PKP4: variants seen among roughly 807,000 people sequenced by gnomAD.
The protein encoded by PKP4 is plakophilin 4, also known as plakophilin-4.
Under a neutral mutation model 145.1 loss-of-function variants are expected in PKP4, and 90 were observed. The ratio of observed to expected loss-of-function variants is 0.62; its 90% CI spans 0.52 to 0.74. PKP4 has a LOEUF of 0.74. Among genes scored for constraint, PKP4 ranks in the 30% least tolerant of loss-of-function variants. PKP4 has a pLI of 0.00. For missense variants in PKP4, 1,340 were observed against 1,482.7 expected, an observed-to-expected ratio of 0.90 and a Z score of 1.58; for synonymous variants, 563 against 577.2, an observed-to-expected ratio of 0.98 and a Z score of 0.35.
intron 2 of PKP4, among the ~76,000 whole-genome samples, chr2:158,544,733 C>A (rs1296270296): frequency 6.6e-6 from 1 of 152,144 alleles, no homozygotes; most frequent in Non-Finnish European, 1.5e-5. Flanking sequence ...TGTTTCTCTG[C>A]CACTACTCCA....
At chr2:158,471,117 G>A (rs750038220) in intron 1 of PKP4, among the ~76,000 whole-genome samples, 2 of 152,202 alleles carry the variant, frequency 1.3e-5, no homozygotes, top group African/African-American at 2.4e-5. Context: ...CAGAGCCTTG[G>A]AGGTGAAGGA....
chr2:158,515,583 A>G (rs1046340810), intron 1 of PKP4, among the ~76,000 whole-genome samples: 1 of 152,196 alleles, frequency 6.6e-6, no homozygotes, highest in African/African-American at 2.4e-5. Context: ...AAAAGTATTA[A>G]TGTTTTTCCT....
At chr2:158,500,173 T>C (rs1172637984) in intron 1 of PKP4, among the ~76,000 whole-genome samples, 1 of 152,198 alleles carries the variant, frequency 6.6e-6, no homozygotes, top group East Asian at 1.9e-4. Context: ...AGTCCCATCA[T>C]TTCTCTTTCT....
rs2058238604 is a variant in PKP4 at position 158,678,842 on chromosome 2, T to C, written c.3330+188T>C. 1.3e-5 allele frequency: 8 copies of C among 618,424 alleles called. No homozygotes were observed. In the Admixed American group the frequency reaches 2.2e-4, roughly 17 times the overall value. The allele number at this position is 618,424 out of a possible 1,614,324, so 38.3% of individuals were successfully genotyped here. A position where few individuals can be genotyped will look rare whatever the true frequency, so the allele number is the denominator to read the frequency against. On this transcript the variant is annotated intron_variant, in intron 21 of 21. Coordinates refer to ENST00000389759, the MANE Select transcript of PKP4 (RefSeq NM_003628.6). The stretch of plus-strand genomic sequence containing the variant: ...CATTTCCACGGTAGCCTCACGTTCT[T>C]GAGTATCCACATCGGTACTGCTGAG...
intron 1 of PKP4, among the ~76,000 whole-genome samples, chr2:158,532,057 C>T (rs979574191): frequency 1.3e-5 from 2 of 151,942 alleles, no homozygotes; most frequent in Middle Eastern, 3.2e-3. Context: ...CTTTTACTTA[C>T]GGATTATTAT....
At chr2:158,495,486 T>C (rs188869493) in intron 1 of PKP4, among the ~76,000 whole-genome samples, 1 of 151,958 alleles carries the variant, frequency 6.6e-6, no homozygotes, top group East Asian at 1.9e-4. Context: ...AAATTCTAAA[T>C]ATTAGTACAT....
chr2:158,666,621 ACT>A, intron 16 of PKP4, 58 bp downstream of exon 16: 2 of 1,419,870 alleles, frequency 1.4e-6, no homozygotes, highest in Non-Finnish European at 9.6e-7. Context: ...AATTCATGAA[ACT>A]CTTCTTTTGA....
chr2:158,654,799 T>TAG (rs2055756778), intron 11 of PKP4, among the ~76,000 whole-genome samples: 1 of 152,174 alleles, frequency 6.6e-6, no homozygotes, highest in African/African-American at 2.4e-5. Flanking sequence ...CCAAGTCTGA[T>TAG]AGGTAGGAAA....
intron 10 of PKP4, 83 bp downstream of exon 10, chr2:158,640,842 A>C (rs1574913928): frequency 7.0e-7 from 1 of 1,438,230 alleles, no homozygotes; most frequent in East Asian, 2.3e-5. Context: ...TTAAGAAATT[A>C]CCCAGTGTAA....
chr2:158,570,571 T>C (rs2047337784), intron 2 of PKP4, among the ~76,000 whole-genome samples: 1 of 152,212 alleles, frequency 6.6e-6, no homozygotes, highest in African/African-American at 2.4e-5. Context: ...AACCAGTAAT[T>C]CTATCACATA....
At chr2:158,671,509 A>C (rs2057555372) in intron 17 of PKP4, among the ~76,000 whole-genome samples, 1 of 152,180 alleles carries the variant, frequency 6.6e-6, no homozygotes, top group Non-Finnish European at 1.5e-5. Context: ...GAACCTTTCC[A>C]TATTAAGAAA....
At chr2:158,497,432 T>A (rs1695904964) in intron 1 of PKP4, among the ~76,000 whole-genome samples, 1 of 152,178 alleles carries the variant, frequency 6.6e-6, no homozygotes, top group African/African-American at 2.4e-5. Context: ...GCTTGCCCAA[T>A]GCTAGATAAG....
At chr2:158,655,273 T>A (rs1574995666) in intron 11 of PKP4, among the ~76,000 whole-genome samples, 1 of 152,192 alleles carries the variant, frequency 6.6e-6, no homozygotes, top group East Asian at 1.9e-4. Context: ...TCATTCTGAA[T>A]GCCTGGGAAG....
chr2:158,528,213 A>T (rs375551069), intron 1 of PKP4, among the ~76,000 whole-genome samples: 28,994 of 149,568 alleles, frequency 0.19, 3,593 homozygotes, highest in Middle Eastern at 0.34. Context: ...CATTATTCAC[A>T]ATAGCAAAGA....
intron 11 of PKP4, among the ~76,000 whole-genome samples, chr2:158,657,619 T>C (rs2056117643): frequency 6.6e-6 from 1 of 152,230 alleles, no homozygotes; most frequent in Admixed American, 6.5e-5. Flanking sequence ...AAGCTTGAGC[T>C]TTCTGATAGC....
intron 12 of PKP4, 35 bp from the exon 13 acceptor site, chr2:158,661,298 C>G (rs1440671996): frequency 6.9e-7 from 1 of 1,459,096 alleles, no homozygotes; most frequent in East Asian, 2.3e-5. Context: ...GTGCATGGTT[C>G]ATCTCAGCAG....
At chr2:158,584,852 T>G (rs1037963621) in intron 3 of PKP4, among the ~76,000 whole-genome samples, 4 of 152,196 alleles carry the variant, frequency 2.6e-5, no homozygotes, top group Non-Finnish European at 5.9e-5. Context: ...ATCTTGGTTA[T>G]CTATTCTTTG....
chr2:158,562,558 T>A (rs1444484598), intron 2 of PKP4, among the ~76,000 whole-genome samples: 1 of 152,220 alleles, frequency 6.6e-6, no homozygotes, highest in Non-Finnish European at 1.5e-5. Context: ...ATGATGGTGA[T>A]GGTTGCACAA....
intron 3 of PKP4, among the ~76,000 whole-genome samples, chr2:158,591,817 G>A (rs1347005297): frequency 6.6e-6 from 1 of 151,926 alleles, no homozygotes; most frequent in Non-Finnish European, 1.5e-5. Flanking sequence ...TATCAATGAT[G>A]TTCACTCATG....
Sources: allele counts gnomAD v4.1 joint callset (sites outside exome capture counted in the v4.1 genomes callset), GRCh38; gene constraint gnomAD v4.1.1; transcripts MANE v1.5; gene names NCBI Gene and HGNC (gene_info 2026-07-23, HGNC 2026-07-21).